Variants in KDM4C observed in about 807,000 individuals in gnomAD.
The protein encoded by KDM4C is lysine-specific demethylase 4C.
In KDM4C, 81 loss-of-function variants were observed where a neutral mutation model predicts 129.3. The observed-to-expected ratio is 0.63, with a 90% confidence interval of 0.52 to 0.75. KDM4C has a LOEUF of 0.75. KDM4C is among the 30% of genes least tolerant of loss of function. The pLI is 0.00. For missense variants in KDM4C, 1,457 were observed against 1,304.0 expected, an observed-to-expected ratio of 1.12 and a Z score of -1.81; for synonymous variants, 573 against 456.1, an observed-to-expected ratio of 1.26 and a Z score of -3.26.
At chr9:6,774,402 T>A (rs932084675) in intron 1 of KDM4C, among the ~76,000 whole-genome samples, 6 of 151,698 alleles carry the variant, frequency 4.0e-5, no homozygotes, top group African/African-American at 7.3e-5. Context: ...TGGTGGCTCA[T>A]GCCTGTAATC....
At chr9:7,002,742 A>G (rs1820955907) in intron 12 of KDM4C, among the ~76,000 whole-genome samples, 2 of 152,208 alleles carry the variant, frequency 1.3e-5, no homozygotes, top group Admixed American at 1.3e-4. Context: ...TGCTAGCATC[A>G]TTTTTACTGG....
chr9:6,958,686 G>GTT (rs1231726870), intron 8 of KDM4C, among the ~76,000 whole-genome samples: 1 of 68,436 alleles, frequency 1.5e-5, no homozygotes, highest in Admixed American at 1.7e-4. Context: ...TTCTTTATAT[G>GTT]ATTTTTTTTT....
At chr9:6,944,657 T>G (rs1278588826) in intron 8 of KDM4C, among the ~76,000 whole-genome samples, 2 of 140,496 alleles carry the variant, frequency 1.4e-5, no homozygotes, top group Non-Finnish European at 3.1e-5. Flanking sequence ...TAGAGGTTTT[T>G]TTTTTTTTTT....
At position 6,747,059 on chromosome 9, in the gene KDM4C, G is replaced by A. The variant is rs567525567; in HGVS notation, c.49+26062G>A. 7.3e-5 allele frequency among the ~76,000 whole-genome samples: 11 copies of A among 150,872 alleles called. No individual in the cohort carries two copies. The South Asian group carries it at 1.7e-3, about 23-fold the overall frequency. Reference sequence around the variant, plus strand: ...AAGAAAAAAATTAGTCAGGTGTGGTGGTGCACACTTCTGGTTCCAGCTATT... The same window carrying A: ...AAGAAAAAAATTAGTCAGGTGTGGTAGTGCACACTTCTGGTTCCAGCTATT... On this transcript the variant is annotated intron_variant, in intron 1 of 17. Coordinates refer to the KDM4C transcript ENST00000536108.
intron 8 of KDM4C, among the ~76,000 whole-genome samples, chr9:6,945,302 T>A (rs1040067489): frequency 2.0e-5 from 3 of 152,236 alleles, no homozygotes; most frequent in Non-Finnish European, 4.4e-5. Flanking sequence ...AGTTTCATCC[T>A]TCCTTTGAAA....
intron 5 of KDM4C, among the ~76,000 whole-genome samples, chr9:6,853,262 C>T (rs770510641): frequency 6.6e-6 from 1 of 151,776 alleles, no homozygotes; most frequent in African/African-American, 2.4e-5. Context: ...CCAAGGTAGG[C>T]GGATCACTTG....
chr9:6,960,462 T>A (rs1829843101), intron 8 of KDM4C, among the ~76,000 whole-genome samples: 1 of 151,888 alleles, frequency 6.6e-6, no homozygotes, highest in Admixed American at 6.6e-5. Context: ...ACTCTCTTTG[T>A]TTCCCAGGAT....
chr9:6,992,823 T>C (rs568990870), intron 12 of KDM4C, among the ~76,000 whole-genome samples: 12 of 152,302 alleles, frequency 7.9e-5, no homozygotes, highest in African/African-American at 2.4e-4. Flanking sequence ...CATAGGAGAA[T>C]TGCATCTTTA....
intron 13 of KDM4C, 73 bp downstream of exon 13, chr9:7,011,952 T>A: frequency 7.8e-7 from 1 of 1,286,046 alleles, no homozygotes; most frequent in Non-Finnish European, 1.1e-6. Context: ...AAGATCACTG[T>A]AAATTGTTGT....
intron 1 of KDM4C, among the ~76,000 whole-genome samples, chr9:6,767,315 G>T (rs1437723347): frequency 1.3e-5 from 2 of 150,668 alleles, no homozygotes; most frequent in African/African-American, 2.4e-5. Context: ...TAATTTTTTT[G>T]TGTTTTTAGT....
intron 15 of KDM4C, among the ~76,000 whole-genome samples, chr9:7,017,413 T>A (rs1383705838): frequency 6.6e-6 from 1 of 152,186 alleles, no homozygotes; most frequent in Non-Finnish European, 1.5e-5. Flanking sequence ...TGACCTAAAT[T>A]GTTTTTCTAA....
At chr9:6,830,993 G>A (rs1834716952) in intron 4 of KDM4C, among the ~76,000 whole-genome samples, 1 of 152,224 alleles carries the variant, frequency 6.6e-6, no homozygotes, top group African/African-American at 2.4e-5. Context: ...CCAGGTATTA[G>A]TGGTTAAGAA....
chr9:7,037,329 TTGAGAA>T (rs1564022469), intron 15 of KDM4C, among the ~76,000 whole-genome samples: 2 of 152,190 alleles, frequency 1.3e-5, no homozygotes, highest in African/African-American at 2.4e-5. Context: ...ACAATGCAGC[TTGAGAA>T]TGTTGGTATT....
intron 18 of KDM4C, chr9:7,104,142 G>C (rs1163032984): frequency 5.1e-6 from 2 of 392,278 alleles, no homozygotes; most frequent in Non-Finnish European, 4.8e-6. Context: ...CTCCATGCCT[G>C]TTCTGGTGTT....
At chr9:6,731,638 C>G (rs1817340567) in intron 1 of KDM4C, among the ~76,000 whole-genome samples, 1 of 152,166 alleles carries the variant, frequency 6.6e-6, no homozygotes, top group Non-Finnish European at 1.5e-5. Context: ...GGCCAAGCAA[C>G]TCCATTTTTG....
chr9:6,760,998 A>G (rs1156595882), intron 1 of KDM4C, among the ~76,000 whole-genome samples: 2 of 136,822 alleles, frequency 1.5e-5, no homozygotes, highest in African/African-American at 2.8e-5. Flanking sequence ...CCTTTCCTGG[A>G]TGTCTTTTTT....
chr9:6,882,257 A>G (rs535498023), intron 6 of KDM4C, among the ~76,000 whole-genome samples: 4 of 152,176 alleles, frequency 2.6e-5, no homozygotes, highest in Admixed American at 6.5e-5. Context: ...CATTCTTTCT[A>G]ATTTTTGGTT....
intron 1 of KDM4C, among the ~76,000 whole-genome samples, chr9:6,733,635 A>G (rs1027496254): frequency 4.6e-5 from 7 of 152,240 alleles, no homozygotes; most frequent in Non-Finnish European, 8.8e-5. Context: ...CCAGACCCCA[A>G]GAGAGGGTTG....
At chr9:6,970,750 G>A (rs1430741657) in intron 8 of KDM4C, among the ~76,000 whole-genome samples, 1 of 152,122 alleles carries the variant, frequency 6.6e-6, no homozygotes, top group African/African-American at 2.4e-5. Context: ...AGCAGAATTG[G>A]TATGTGATAA....
Sources: allele counts gnomAD v4.1 joint callset (sites outside exome capture counted in the v4.1 genomes callset), GRCh38; gene constraint gnomAD v4.1.1; transcripts MANE v1.5; gene names NCBI Gene and HGNC (gene_info 2026-07-23, HGNC 2026-07-21).